The following SHC3 variants were observed in gnomAD, a reference collection of about 807,000 sequenced individuals.
SHC3 encodes the protein SHC adaptor protein 3.
SHC3 carries 15 observed loss-of-function variants against 60.4 expected under a neutral mutation model. That is an observed-to-expected ratio of 0.25 (90% CI 0.17 to 0.38). The LOEUF (loss-of-function observed/expected upper bound fraction) is 0.38. SHC3 is among the 10% of genes least tolerant of loss of function. The pLI, the probability that SHC3 is intolerant of heterozygous loss-of-function variation, is 1.00. For missense variants in SHC3, 677 were observed against 786.1 expected (o/e 0.86, Z 1.66); for synonymous variants, 294 against 325.9 (o/e 0.90, Z 1.05).
chr9:89,155,055 T>C lies in SHC3; in HGVS notation c.474+22932A>G, dbSNP rs139884045. Among the ~76,000 whole-genome samples, 50 of 152,310 alleles carry C rather than the reference T, an allele frequency of 3.3e-4. 1 individual carries two copies. The South Asian group carries it at 7.7e-3, about 23-fold the overall frequency. ...GTCTTAGAAAATTCGTTATCTACCC[T>C]TGAGCATTGCTTTTCTTCACGACAC... On this transcript the variant is annotated intron_variant, in intron 1 of 11. Coordinates refer to ENST00000375835, the MANE Select transcript of SHC3 (RefSeq NM_016848.6).
chr9:89,101,532 G>A (rs1825782559), intron 2 of SHC3, among the ~76,000 whole-genome samples: 1 of 151,864 alleles, frequency 6.6e-6, no homozygotes. Context: ...TCTATTCCTA[G>A]TGTGTTGACA....
At chr9:89,087,207 C>T (rs1825544857) in intron 2 of SHC3, among the ~76,000 whole-genome samples, 1 of 152,204 alleles carries the variant, frequency 6.6e-6, no homozygotes, top group Non-Finnish European at 1.5e-5. Flanking sequence ...AAGTCAAACA[C>T]ATAATAGTAA....
At chr9:89,017,712 C>T (rs1392048188) in intron 11 of SHC3, among the ~76,000 whole-genome samples, 1 of 152,092 alleles carries the variant, frequency 6.6e-6, no homozygotes, top group African/African-American at 2.4e-5. Context: ...GAACAGGCAA[C>T]CTACAGAATG....
chr9:89,133,097 A>G (rs1383000968), intron 1 of SHC3, among the ~76,000 whole-genome samples: 1 of 152,216 alleles, frequency 6.6e-6, no homozygotes, highest in East Asian at 1.9e-4. Flanking sequence ...AAAAGTGGGC[A>G]AAGGACATGA....
At chr9:89,123,230 T>C (rs957894028) in intron 1 of SHC3, among the ~76,000 whole-genome samples, 1 of 152,236 alleles carries the variant, frequency 6.6e-6, no homozygotes, top group Admixed American at 6.5e-5. Context: ...AAAAAGAATG[T>C]GTTTACTAAT....
intron 6 of SHC3, among the ~76,000 whole-genome samples, chr9:89,064,706 T>C (rs539448994): frequency 1.3e-5 from 2 of 152,234 alleles, no homozygotes; most frequent in South Asian, 2.1e-4. Flanking sequence ...GTATGGGCTA[T>C]CTTAAAAATA....
At chr9:89,104,077 C>T (rs910021371) in intron 2 of SHC3, among the ~76,000 whole-genome samples, 4 of 152,160 alleles carry the variant, frequency 2.6e-5, no homozygotes, top group African/African-American at 2.4e-5. Context: ...ATGAACACCA[C>T]GGATTCATTT....
In SHC3 at chr9:89,075,128, C is replaced by A; in HGVS notation, c.710G>T (p.Arg237Leu). ...ATGTACCTGTTTGGAGTCCGGAGTT[C>A]GCAGGTTCAGACTGGCCGTGGAGAT... ...LTISTASLNL[R>L]TPDSKQIIAN... The change falls in exon 4 of 12, where the codon CGA becomes CTA. Residue 237 changes from arginine to leucine, a missense_variant. Transcript: ENST00000375835. The A allele has an allele frequency of 6.2e-7, 1 of 1,613,936 alleles. No individual in the cohort carries two copies. The highest frequency in any genetic ancestry group is 1.7e-5 in the Admixed American group (1 of 59,998).
Position 89,013,419 on chromosome 9 carries a change from CGCAGTGCTGGGA to C in SHC3, c.*16_*27del, listed in dbSNP as rs1290512962. 18 of 1,537,666 alleles carry C rather than the reference CGCAGTGCTGGGA, an allele frequency of 1.2e-5. No homozygotes were observed. The highest frequency in any genetic ancestry group is 7.5e-5 in the South Asian group (6 of 79,686). ...CACTCCAGGTCCTCCTGACCTGGTGCGCAGTGCTGGGAGCAGTGCTGGCCAGGTCACTGCTTC... is the reference window on the plus strand; with the variant it reads ...CACTCCAGGTCCTCCTGACCTGGTGCGCAGTGCTGGCCAGGTCACTGCTTC... On this transcript the variant is annotated 3_prime_UTR_variant, in exon 12 of 12. Coordinates refer to ENST00000375835, the MANE Select transcript of SHC3 (RefSeq NM_016848.6).
chr9:89,072,194 C>G lies in SHC3; in HGVS notation c.730-942G>C, dbSNP rs6559339. On this transcript the variant is annotated intron_variant, in intron 4 of 11. Coordinates refer to ENST00000375835, the MANE Select transcript of SHC3 (RefSeq NM_016848.6). ...TCATGGTTTTCATTATTAAAATAGCCTCAATAAAAGTCTGACCTTGTGGAA... is the reference window on the plus strand; with the variant it reads ...TCATGGTTTTCATTATTAAAATAGCGTCAATAAAAGTCTGACCTTGTGGAA... 1.3e-4 allele frequency among the ~76,000 whole-genome samples: 20 copies of G among 152,250 alleles called. No homozygotes were observed. In the East Asian group the frequency reaches 2.9e-3, roughly 22 times the overall value.
At chr9:89,104,078 G>A (rs1435727515) in intron 2 of SHC3, among the ~76,000 whole-genome samples, 2 of 151,976 alleles carry the variant, frequency 1.3e-5, no homozygotes, top group Non-Finnish European at 2.9e-5. Context: ...TGAACACCAC[G>A]GATTCATTTT....
intron 11 of SHC3, among the ~76,000 whole-genome samples, chr9:89,033,906 A>G (rs1824530927): frequency 1.3e-5 from 2 of 152,190 alleles, no homozygotes; most frequent in African/African-American, 2.4e-5. Context: ...GGTGAGCAAA[A>G]TGGCAAAATC....
chr9:89,009,219 T>C lies in SHC3; in HGVS notation c.*4228A>G, dbSNP rs1825984078. On this transcript the variant is annotated 3_prime_UTR_variant, in exon 12 of 12. Transcript: ENST00000375835. ...TCTTACCAAGCTCCCTTCCCTGTGA[T>C]CCTGTGTGGAGCTGACAGTTCTAGG... The C allele has an allele frequency of 6.6e-6, 1 of 152,270 alleles. No individual in the cohort carries two copies. Among genetic ancestry groups the C allele is most frequent in the Admixed American group, 6.5e-5 (1 of 15,284 alleles). 9.4% of individuals were successfully genotyped at this position (152,270 alleles called of 1,614,324 possible).
intron 11 of SHC3, among the ~76,000 whole-genome samples, chr9:89,030,277 T>C (rs572364455): frequency 2.0e-5 from 3 of 152,192 alleles, no homozygotes; most frequent in African/African-American, 4.8e-5. Context: ...TCAACAATAA[T>C]AGACATTTCA....
At chr9:89,166,376 A>G (rs1301538815) in intron 1 of SHC3, among the ~76,000 whole-genome samples, 1 of 152,226 alleles carries the variant, frequency 6.6e-6, no homozygotes, top group Non-Finnish European at 1.5e-5. Flanking sequence ...ATACCCGTTG[A>G]ATAAAACAAT....
At chr9:89,135,955 T>C (rs1826313179) in intron 1 of SHC3, among the ~76,000 whole-genome samples, 1 of 152,194 alleles carries the variant, frequency 6.6e-6, no homozygotes, top group Non-Finnish European at 1.5e-5. Context: ...TCGTACTCCT[T>C]GTGTAGGAAT....
intron 2 of SHC3, among the ~76,000 whole-genome samples, chr9:89,091,111 A>G (rs1825614903): frequency 6.6e-6 from 1 of 152,272 alleles, no homozygotes; most frequent in South Asian, 2.1e-4. Context: ...AAATTAATTT[A>G]TCAATTTAAT....
intron 2 of SHC3, among the ~76,000 whole-genome samples, chr9:89,092,788 A>T (rs1431701098): frequency 6.6e-6 from 1 of 151,742 alleles, no homozygotes; most frequent in Admixed American, 6.6e-5. Context: ...ATACCAAAAA[A>T]TCTGGAAAGC....
Position 89,011,774 on chromosome 9 carries a change from C to T in SHC3, c.*1673G>A, listed in dbSNP as rs531139186. On this transcript the variant is annotated 3_prime_UTR_variant, in exon 12 of 12. Coordinates refer to ENST00000375835, the MANE Select transcript of SHC3 (RefSeq NM_016848.6). ...GCAGAACATTCTAGAACACTGACTT[C>T]ACTGTCATCTCAAATTCACTGGACC... 6.6e-6 allele frequency: 1 copy of T among 152,428 alleles called. No individual in the cohort carries two copies. Among genetic ancestry groups the T allele is most frequent in the East Asian group, 1.9e-4 (1 of 5,188 alleles). The allele number at this position is 152,428 out of a possible 1,614,324, so 9.4% of individuals were successfully genotyped here.
Sources: allele counts gnomAD v4.1 joint callset (sites outside exome capture counted in the v4.1 genomes callset), GRCh38; gene constraint gnomAD v4.1.1; transcripts MANE v1.5; gene names NCBI Gene and HGNC (gene_info 2026-07-23, HGNC 2026-07-21).